KCNU1: variants seen among roughly 807,000 people sequenced by gnomAD.
KCNU1 encodes the protein potassium calcium-activated channel subfamily U member 1.
Under a neutral mutation model 126.8 loss-of-function variants are expected in KCNU1, and 93 were observed. The ratio of observed to expected loss-of-function variants is 0.73; its 90% CI spans 0.62 to 0.87. The LOEUF is 0.87. Among genes scored for constraint, KCNU1 ranks in the 40% least tolerant of loss-of-function variants. The pLI, the probability that KCNU1 is intolerant of heterozygous loss-of-function variation, is 0.00. For missense variants in KCNU1, 1,330 were observed against 1,367.1 expected (o/e 0.97, Z 0.43); for synonymous variants, 523 against 494.2 (o/e 1.06, Z -0.77).
intron 14 of KCNU1, among the ~76,000 whole-genome samples, chr8:36,839,541 C>T (rs191374329): frequency 6.6e-6 from 1 of 152,274 alleles, no homozygotes; most frequent in East Asian, 1.9e-4. Flanking sequence ...TGGAAGCAGG[C>T]ACTGGAATGC....
intron 18 of KCNU1, among the ~76,000 whole-genome samples, chr8:36,860,941 T>C (rs2117325391): frequency 6.6e-6 from 1 of 151,702 alleles, no homozygotes; most frequent in Middle Eastern, 3.4e-3. Context: ...CATTCCAGAC[T>C]ATTAATTGAC....
chr8:36,909,276 T>C lies in KCNU1; in HGVS notation c.2107-35T>C, dbSNP rs746400213. The C allele has an allele frequency of 2.9e-6, 4 of 1,384,482 alleles. No homozygotes were observed. In the East Asian group the frequency reaches 6.9e-5, roughly 24 times the overall value. 85.8% of individuals were successfully genotyped at this position (1,384,482 alleles called of 1,614,324 possible). On this transcript the variant is annotated intron_variant, in intron 20 of 26. Transcript: ENST00000399881. ...CTTGGAGGGATTCTCATCTTGCTTA[T>C]GAAAATGACCAGACTGTGGCATCCT... is the stretch of plus-strand genomic sequence containing the variant.
chr8:36,864,057 T>G (rs540188455), intron 18 of KCNU1, among the ~76,000 whole-genome samples: 1 of 152,154 alleles, frequency 6.6e-6, no homozygotes, highest in African/African-American at 2.4e-5. Context: ...GAGACAGGAT[T>G]TTTGTAGAGT....
chr8:36,926,011 C>A (rs1808519084), intron 24 of KCNU1, among the ~76,000 whole-genome samples: 1 of 152,190 alleles, frequency 6.6e-6, no homozygotes, highest in African/African-American at 2.4e-5. Context: ...CTACATAGAT[C>A]TCTAGGCAAT....
At chr8:36,799,169 T>C (rs191917385) in intron 2 of KCNU1, among the ~76,000 whole-genome samples, 1 of 152,306 alleles carries the variant, frequency 6.6e-6, no homozygotes, top group East Asian at 1.9e-4. Context: ...CTGGTGTGAC[T>C]TCTGCTTTCC....
At chr8:36,871,268 G>A (rs1218233962) in intron 19 of KCNU1, among the ~76,000 whole-genome samples, 1 of 151,988 alleles carries the variant, frequency 6.6e-6, no homozygotes, top group Non-Finnish European at 1.5e-5. Flanking sequence ...TAAGAATTTT[G>A]AAAAGATGAC....
At chr8:36,816,427 A>G (rs923215157) in intron 9 of KCNU1, among the ~76,000 whole-genome samples, 1 of 152,246 alleles carries the variant, frequency 6.6e-6, no homozygotes, top group Non-Finnish European at 1.5e-5. Context: ...TGAAAGAGGC[A>G]TAATGGAGAT....
chr8:36,802,615 T>C (rs1355677907), intron 2 of KCNU1, among the ~76,000 whole-genome samples: 1 of 151,954 alleles, frequency 6.6e-6, no homozygotes, highest in Non-Finnish European at 1.5e-5. Flanking sequence ...GGGTGAGAAG[T>C]AGTGAGAGAA....
intron 14 of KCNU1, among the ~76,000 whole-genome samples, chr8:36,839,679 A>G (rs1452964255): frequency 6.6e-6 from 1 of 152,156 alleles, no homozygotes; most frequent in East Asian, 1.9e-4. Flanking sequence ...AACTCTCCAT[A>G]GCAACAGTGC....
At chr8:36,850,485 C>A (rs1403127480) in intron 18 of KCNU1, among the ~76,000 whole-genome samples, 1 of 148,024 alleles carries the variant, frequency 6.8e-6, no homozygotes, top group Non-Finnish European at 1.5e-5. Flanking sequence ...GGGACAGGGT[C>A]TCACTCCATC....
At chr8:36,865,211 T>C (rs1805861990) in intron 19 of KCNU1, among the ~76,000 whole-genome samples, 1 of 152,128 alleles carries the variant, frequency 6.6e-6, no homozygotes, top group African/African-American at 2.4e-5. Context: ...ATGTTATAAA[T>C]ATTTTGTACG....
chr8:36,904,776 C>T (rs1340106551), intron 19 of KCNU1, among the ~76,000 whole-genome samples: 2 of 152,098 alleles, frequency 1.3e-5, no homozygotes, highest in Non-Finnish European at 2.9e-5. Context: ...GATGTTGAGG[C>T]CATAAGATGG....
chr8:36,859,444 T>G (rs1214866336), intron 18 of KCNU1, among the ~76,000 whole-genome samples: 2 of 152,130 alleles, frequency 1.3e-5, no homozygotes, highest in East Asian at 3.9e-4. Flanking sequence ...TTCTCCCCGC[T>G]ACTATACTCA....
chr8:36,788,259 C>A (rs994061960), intron 2 of KCNU1, among the ~76,000 whole-genome samples: 1 of 152,162 alleles, frequency 6.6e-6, no homozygotes, highest in Non-Finnish European at 1.5e-5. Flanking sequence ...CCTCTAGCTT[C>A]TTTAATAATC....
intron 2 of KCNU1, among the ~76,000 whole-genome samples, chr8:36,797,104 C>T (rs62502885): frequency 2.0e-5 from 3 of 152,106 alleles, no homozygotes; most frequent in Non-Finnish European, 4.4e-5. Flanking sequence ...GATTTCGGTT[C>T]AAACACTCGC....
chr8:36,910,128 A>G (rs1807808584), intron 21 of KCNU1, among the ~76,000 whole-genome samples: 1 of 152,128 alleles, frequency 6.6e-6, no homozygotes, highest in African/African-American at 2.4e-5. Flanking sequence ...TCCATTATGT[A>G]CACTGTGAAA....
chr8:36,791,582 C>T (rs1802902345), intron 2 of KCNU1, among the ~76,000 whole-genome samples: 1 of 151,976 alleles, frequency 6.6e-6, no homozygotes, highest in Non-Finnish European at 1.5e-5. Context: ...ATAAATTAAG[C>T]CCCTAGCAAC....
At chr8:36,905,836 A>T (rs760940019) in intron 20 of KCNU1, 32 bp downstream of exon 20, 1 of 1,028,930 alleles carries the variant, frequency 9.7e-7, no homozygotes, top group African/African-American at 1.6e-5. Flanking sequence ...AATCTCAAAT[A>T]AGATAAAGCA....
intron 6 of KCNU1, among the ~76,000 whole-genome samples, chr8:36,808,423 G>C (rs1177553323): frequency 6.6e-6 from 1 of 152,104 alleles, no homozygotes; most frequent in African/African-American, 2.4e-5. Flanking sequence ...TATGAGGCTA[G>C]TGGATATCGC....
Sources: allele counts gnomAD v4.1 joint callset (sites outside exome capture counted in the v4.1 genomes callset), GRCh38; gene constraint gnomAD v4.1.1; transcripts MANE v1.5; gene names NCBI Gene and HGNC (gene_info 2026-07-23, HGNC 2026-07-21).